The following TPR variants were observed in gnomAD, a reference collection of about 807,000 sequenced individuals.
TPR encodes the protein nucleoprotein TPR.
Under a neutral mutation model 316.1 loss-of-function variants are expected in TPR, and 51 were observed. The ratio of observed to expected loss-of-function variants is 0.16; its 90% confidence interval spans 0.13 to 0.20. The LOEUF (loss-of-function observed/expected upper bound fraction) is 0.20. Among genes scored for constraint, TPR ranks in the 10% least tolerant of loss-of-function variants. The pLI is 1.00. For missense variants in TPR, 2,272 were observed against 2,754.8 expected (o/e 0.82, Z 3.92); for synonymous variants, 981 against 914.7 (o/e 1.07, Z -1.31).
Position 186,338,027 on chromosome 1 carries a change from A to G in TPR, c.4362+6T>C, listed in dbSNP as rs570309594. On this transcript the variant is annotated splice_donor_region_variant and intron_variant, in intron 31 of 50. Transcript: ENST00000367478. ...TTTTTTTGTAAGATAAGTTTCTTCA[A>G]AATACCTTATCCTGTTGTGCTTTAA... 11 of 1,560,314 alleles carry G rather than the reference A, an allele frequency of 7.0e-6. No homozygotes were observed. Among genetic ancestry groups the G allele is most frequent in the South Asian group, 1.2e-5 (1 of 82,134 alleles).
intron 7 of TPR, 43 bp downstream of exon 7, chr1:186,362,245 C>G: frequency 6.6e-7 from 1 of 1,504,398 alleles, no homozygotes; most frequent in Non-Finnish European, 9.2e-7. Context: ...TTCGTAAGTG[C>G]TTTAGTATTT....
intron 19 of TPR, 87 bp from the exon 20 acceptor site, chr1:186,351,557 T>C: frequency 7.2e-7 from 1 of 1,381,290 alleles, no homozygotes; most frequent in South Asian, 1.7e-5. Context: ...AATTACAATA[T>C]TACAACCCAT....
chr1:186,348,165 G>A (rs1023307818), intron 21 of TPR, among the ~76,000 whole-genome samples: 7 of 152,120 alleles, frequency 4.6e-5, no homozygotes, highest in Admixed American at 4.6e-4. Context: ...ATAAACGGAC[G>A]TGCAAGTAGG....
intron 49 of TPR, among the ~76,000 whole-genome samples, chr1:186,315,368 T>C (rs1330486518): frequency 6.6e-6 from 1 of 151,786 alleles, no homozygotes; most frequent in African/African-American, 2.4e-5. Flanking sequence ...GAAAACAAAA[T>C]ATCAAGTCCC....
At chr1:186,334,755 G>C (rs551590674) in intron 35 of TPR, among the ~76,000 whole-genome samples, 1 of 152,178 alleles carries the variant, frequency 6.6e-6, no homozygotes, top group African/African-American at 2.4e-5. Flanking sequence ...CTGAACCCAA[G>C]TCTCAGCCCA....
At chr1:186,332,451 T>A in intron 37 of TPR, 108 bp from the exon 38 acceptor site, 1 of 1,146,664 alleles carries the variant, frequency 8.7e-7, no homozygotes, top group Non-Finnish European at 1.2e-6. Flanking sequence ...AGTAAACATT[T>A]AATTGTACAG....
At chr1:186,339,868 G>A (rs764543036) in intron 29 of TPR, 96 bp from the exon 30 acceptor site, 46 of 1,042,240 alleles carry the variant, frequency 4.4e-5, no homozygotes, top group Non-Finnish European at 5.7e-5. Context: ...TTTATATTAG[G>A]TGTCCTGCAT....
intron 43 of TPR, 92 bp from the exon 44 acceptor site, chr1:186,322,678 C>A: frequency 7.8e-7 from 1 of 1,277,832 alleles, no homozygotes; most frequent in Non-Finnish European, 1.1e-6. Context: ...TATTACGCTG[C>A]CAACAAAATA....
chr1:186,370,903 A>C (rs548519747), intron 3 of TPR, 67 bp downstream of exon 3: 6 of 1,371,026 alleles, frequency 4.4e-6, no homozygotes, highest in South Asian at 3.6e-5. Context: ...ACTGATAAAC[A>C]ATCAGAATAG....
chr1:186,336,711 A>C lies in TPR; in HGVS notation c.4507-17T>G. 6.2e-7 allele frequency: 1 copy of C among 1,606,154 alleles called. No homozygotes were observed. The highest frequency in any genetic ancestry group is 8.5e-7 in the Non-Finnish European group (1 of 1,175,486). On this transcript the variant is annotated splice_polypyrimidine_tract_variant and intron_variant, in intron 32 of 50. Coordinates refer to ENST00000367478, the MANE Select transcript of TPR (RefSeq NM_003292.3). ...AGATAATGTCTTTAAAGGAAAACAAAGTATTCACCATGGAATTCAATCATT... is the reference window on the plus strand; with the variant it reads ...AGATAATGTCTTTAAAGGAAAACAACGTATTCACCATGGAATTCAATCATT...
At chr1:186,373,110 T>C (rs1335393835) in intron 2 of TPR, among the ~76,000 whole-genome samples, 1 of 152,166 alleles carries the variant, frequency 6.6e-6, no homozygotes, top group Non-Finnish European at 1.5e-5. Flanking sequence ...ACTGTTAAGA[T>C]TTACATGTGG....
chr1:186,334,455 T>C lies in TPR; in HGVS notation c.5052A>G (p.Ala1684=). 1 of 1,613,772 alleles carries C rather than the reference T, an allele frequency of 6.2e-7. No homozygotes were observed. Among genetic ancestry groups the C allele is most frequent in the Non-Finnish European group, 8.5e-7 (1 of 1,179,750 alleles). Reference sequence around the variant, plus strand: ...GTGTTGACTTATTTCCAGCCATAGCTGCAGCTGTCACTTTACTTGGAGTAG... The same window carrying C: ...GTGTTGACTTATTTCCAGCCATAGCCGCAGCTGTCACTTTACTTGGAGTAG... ...VVSTPSKVTA[A]AMAGNKSTPR... Residue 1684 remains alanine, a synonymous_variant, in exon 36 of 51, where the codon GCA becomes GCG. Transcript: ENST00000367478.
intron 11 of TPR, 97 bp downstream of exon 11, chr1:186,360,176 G>C: frequency 7.1e-7 from 1 of 1,415,168 alleles, no homozygotes; most frequent in Non-Finnish European, 9.7e-7. Flanking sequence ...ATTATAAGAT[G>C]ATTTTAAAAA....
chr1:186,350,194 A>G lies in TPR; in HGVS notation c.2776+29T>C, dbSNP rs747182466. 2.6e-6 allele frequency: 4 copies of G among 1,561,022 alleles called. No homozygotes were observed. In the African/African-American group the frequency reaches 4.2e-5, roughly 16 times the overall value. ...TCCCAAGAAGTACTTGTTTATTTACAATTATATTGGTCTACTTATTTTATT... is the reference window on the plus strand; with the variant it reads ...TCCCAAGAAGTACTTGTTTATTTACGATTATATTGGTCTACTTATTTTATT... On this transcript the variant is annotated intron_variant, in intron 21 of 50. Transcript: ENST00000367478.
chr1:186,367,975 A>C lies in TPR; in HGVS notation c.338T>G (p.Phe113Cys). 6.2e-7 allele frequency: 1 copy of C among 1,609,100 alleles called. No homozygotes were observed. Among genetic ancestry groups the C allele is most frequent in the Non-Finnish European group, 8.5e-7 (1 of 1,178,858 alleles). Residue 113 changes from phenylalanine (F) to cysteine (C), a missense_variant, in exon 4 of 51, where the codon TTT (phenylalanine) becomes TGT (cysteine). By Grantham distance (205) the Phe-to-Cys change is radical. This residue lies in a region of TPR where 549 missense variants were observed against 598.6 expected (regional missense o/e 0.92). Transcript: ENST00000367478. Reference sequence around the variant, plus strand: ...TTCTAATTCTTCCTTTGTTCTTGTAAATTGGCTCTGTCATATAAAGAAGTA... The same window carrying C: ...TTCTAATTCTTCCTTTGTTCTTGTACATTGGCTCTGTCATATAAAGAAGTA... ...QDRNIAIQSQ[F>C]TRTKEELEAE... is the part of the protein sequence containing the mutation.
At chr1:186,315,736 G>A (rs1010078168) in intron 49 of TPR, among the ~76,000 whole-genome samples, 4 of 151,174 alleles carry the variant, frequency 2.6e-5, no homozygotes, top group South Asian at 2.1e-4. Context: ...ATCCTCTCCC[G>A]CCTCTTAACA....
rs1378431856 is a variant in TPR, at chr1:186,312,753, A to T, written c.*1218T>A. ...CCTTTTAATCTGGTATCTTTTATTA[A>T]ACATGCCACTTACAGGTGTCCTTCA... On this transcript the variant is annotated 3_prime_UTR_variant, in exon 51 of 51. Transcript: ENST00000367478. The T allele has an allele frequency of 7.4e-6, 12 of 1,611,622 alleles. No homozygotes were observed. Among genetic ancestry groups the T allele is most frequent in the Non-Finnish European group, 1.0e-5 (12 of 1,177,938 alleles).
intron 18 of TPR, among the ~76,000 whole-genome samples, chr1:186,352,326 CA>C: frequency 6.6e-6 from 1 of 152,138 alleles, no homozygotes; most frequent in East Asian, 1.9e-4. Flanking sequence ...CTTTCAATTA[CA>C]AATACTTATG....
intron 1 of TPR, among the ~76,000 whole-genome samples, chr1:186,374,599 CAA>C (rs1659647175): frequency 6.6e-6 from 1 of 152,208 alleles, no homozygotes; most frequent in African/African-American, 2.4e-5. Context: ...CAGACTCTAT[CAA>C]GTCTGTTTCC....
Sources: allele counts gnomAD v4.1 joint callset (sites outside exome capture counted in the v4.1 genomes callset), GRCh38; gene constraint gnomAD v4.1.1; regional missense constraint gnomAD v4.1.1; transcripts MANE v1.5; gene names NCBI Gene and HGNC (gene_info 2026-07-23, HGNC 2026-07-21).